Variants in TAS2R1 observed in about 807,000 individuals in gnomAD.
TAS2R1 encodes taste 2 receptor member 1, also known as taste receptor type 2 member 1.
For synonymous variants in TAS2R1, 141 were observed against 134.2 expected, an observed-to-expected ratio of 1.05 and a Z score of -0.35; for missense variants, 370 against 353.4, an observed-to-expected ratio of 1.05 and a Z score of -0.38.
rs796564834 is a variant in TAS2R1, at chr5:9,627,839, G to A, written c.*1294C>T. 2.0e-5 allele frequency among the ~76,000 whole-genome samples: 3 copies of A among 152,282 alleles called. No individual in the cohort carries two copies. Among genetic ancestry groups the A allele is most frequent in the African/African-American group, 7.2e-5 (3 of 41,566 alleles). ...CTGTGGGAAGTTGAGAGTACACTCA[G>A]AGCTTAGTTCCCATGCCCAAGAAGA... is the stretch of plus-strand genomic sequence containing the variant. On this transcript the variant is annotated 3_prime_UTR_variant, in exon 1 of 1. Coordinates refer to ENST00000382492, the MANE Select transcript of TAS2R1 (RefSeq NM_019599.3).
At chr5:9,875,174 C>A in the TAS2R1 span, among the ~76,000 whole-genome samples, 1 of 152,176 alleles carries the variant, frequency 6.6e-6, no homozygotes, top group African/African-American at 2.4e-5. Context: ...CATTTGATTG[C>A]AAACTCAAAT....
At chr5:9,770,300 T>C in the TAS2R1 span, among the ~76,000 whole-genome samples, 2 of 152,192 alleles carry the variant, frequency 1.3e-5, no homozygotes, top group Non-Finnish European at 2.9e-5. Context: ...CCATGCTGCC[T>C]TGGTTACTAT....
intron 1 of TAS2R1, among the ~76,000 whole-genome samples, chr5:9,706,700 T>C (rs916940018): frequency 7.9e-5 from 12 of 152,124 alleles, no homozygotes; most frequent in Non-Finnish European, 1.6e-4. Flanking sequence ...GGCAGAATAA[T>C]GGAGCTCAGA....
the TAS2R1 span, among the ~76,000 whole-genome samples, chr5:9,894,129 G>A: frequency 1.5e-4 from 23 of 152,258 alleles, no homozygotes; most frequent in South Asian, 4.1e-3. Flanking sequence ...TTGGCCAGAC[G>A]TGGTGGCTCA....
At chr5:9,873,226 C>T in the TAS2R1 span, among the ~76,000 whole-genome samples, 1 of 152,130 alleles carries the variant, frequency 6.6e-6, no homozygotes, top group African/African-American at 2.4e-5. Context: ...GACGTCCTCC[C>T]CTGGCTTCTC....
At chr5:9,895,581 C>A in the TAS2R1 span, among the ~76,000 whole-genome samples, 1 of 152,132 alleles carries the variant, frequency 6.6e-6, no homozygotes, top group Admixed American at 6.5e-5. Flanking sequence ...TTTCTTTTTT[C>A]TTTTCTTATC....
chr5:9,752,556 A>AT, the TAS2R1 span, among the ~76,000 whole-genome samples: 2,920 of 151,744 alleles, frequency 0.019, 75 homozygotes, highest in African/African-American at 0.063. Flanking sequence ...CAAATATATC[A>AT]TTTTTTTTAT....
At chr5:9,680,785 GC>G (rs1579781155) in intron 1 of TAS2R1, among the ~76,000 whole-genome samples, 1 of 152,182 alleles carries the variant, frequency 6.6e-6, no homozygotes, top group Non-Finnish European at 1.5e-5. Context: ...GGGCATGGTG[GC>G]TCACGCCTGT....
chr5:9,781,323 T>C, the TAS2R1 span, among the ~76,000 whole-genome samples: 2 of 152,188 alleles, frequency 1.3e-5, no homozygotes, highest in African/African-American at 2.4e-5. Context: ...ACACCCTGCA[T>C]TCAAATCCTG....
the TAS2R1 span, among the ~76,000 whole-genome samples, chr5:9,842,231 T>C: frequency 6.6e-6 from 1 of 151,942 alleles, no homozygotes; most frequent in African/African-American, 2.4e-5. Context: ...CATTATCTAT[T>C]AAAAAATAGT....
chr5:9,753,377 C>T, the TAS2R1 span, among the ~76,000 whole-genome samples: 3 of 152,170 alleles, frequency 2.0e-5, no homozygotes, highest in Non-Finnish European at 4.4e-5. Flanking sequence ...ATATCCTTTG[C>T]CCACTTTTTG....
At chr5:9,798,910 T>A in the TAS2R1 span, among the ~76,000 whole-genome samples, 1 of 152,124 alleles carries the variant, frequency 6.6e-6, no homozygotes, top group Non-Finnish European at 1.5e-5. Flanking sequence ...TCTGCCATCT[T>A]CCCACACAAA....
chr5:9,718,046 G>T, the TAS2R1 span, among the ~76,000 whole-genome samples: 1 of 151,996 alleles, frequency 6.6e-6, no homozygotes, highest in African/African-American at 2.4e-5. Flanking sequence ...TGCAACCTCT[G>T]CCTCCCGGGT....
the TAS2R1 span, among the ~76,000 whole-genome samples, chr5:9,838,940 T>C: frequency 2.6e-5 from 4 of 152,228 alleles, no homozygotes; most frequent in East Asian, 7.7e-4. Context: ...TAGAAGGCTC[T>C]GGTTTCAGAC....
chr5:9,697,855 A>C (rs1440475347), intron 1 of TAS2R1, among the ~76,000 whole-genome samples: 1 of 152,128 alleles, frequency 6.6e-6, no homozygotes, highest in Non-Finnish European at 1.5e-5. Context: ...TTATTATTTT[A>C]TATAATTCTA....
chr5:9,672,125 T>C (rs1344349453), intron 1 of TAS2R1, among the ~76,000 whole-genome samples: 2 of 152,240 alleles, frequency 1.3e-5, no homozygotes, highest in East Asian at 3.9e-4. Flanking sequence ...CCTTACATCA[T>C]ATACAAAATT....
At chr5:9,870,132 G>A in the TAS2R1 span, 1 of 152,146 alleles carries the variant, frequency 6.6e-6, no homozygotes, top group Non-Finnish European at 1.5e-5. Context: ...TCCCTTGCAA[G>A]TGCATGACTT....
the TAS2R1 span, among the ~76,000 whole-genome samples, chr5:9,861,564 TG>T: frequency 6.6e-6 from 1 of 152,194 alleles, no homozygotes; most frequent in Admixed American, 6.5e-5. Context: ...GTCTTGTCTA[TG>T]GTTAGCTTTG....
chr5:9,671,012 A>G (rs1350704135), intron 1 of TAS2R1, among the ~76,000 whole-genome samples: 1 of 152,216 alleles, frequency 6.6e-6, no homozygotes, highest in Non-Finnish European at 1.5e-5. Flanking sequence ...AATGTGATTC[A>G]CCACATAAAC....
Sources: gnomAD v4.1 joint callset for allele counts (sites outside exome capture counted in the v4.1 genomes callset) on GRCh38, gnomAD v4.1.1 for gene constraint, MANE v1.5 for transcripts, NCBI Gene and HGNC (gene_info 2026-07-23, HGNC 2026-07-21) for gene names.